DMD: variants seen among roughly 807,000 people sequenced by gnomAD.
The protein encoded by DMD is mutant dystrophin.
In DMD, 63 loss-of-function variants were observed where a neutral mutation model predicts 330.1. That is an observed-to-expected ratio of 0.19 (90% CI 0.16 to 0.24). The LOEUF (loss-of-function observed/expected upper bound fraction) is 0.24, where lower values mean the gene tolerates loss of function less well. Among genes scored for constraint, DMD ranks in the 10% least tolerant of loss-of-function variants. The pLI, the probability that DMD is intolerant of heterozygous loss-of-function variation, is 1.00. For synonymous variants in DMD, 1,223 were observed against 959.8 expected (o/e 1.27, Z -5.07); for missense variants, 3,344 against 2,684.1 (o/e 1.25, Z -5.43).
intron 2 of DMD, chrX:32,960,250 G>A (rs979645080): frequency 9.0e-6 from 1 of 111,075 alleles, no homozygotes; most frequent in Admixed American, 9.6e-5. Flanking sequence ...TACTTGAACA[G>A]GAGTGAGGCT....
chrX:32,002,490 A>G (rs1438279206), intron 44 of DMD, among the ~76,000 whole-genome samples: 1 of 111,989 alleles, frequency 8.9e-6, no homozygotes, highest in Non-Finnish European at 1.9e-5. Flanking sequence ...ACCTAGCATT[A>G]GCTAAGTTTC....
intron 29 of DMD, among the ~76,000 whole-genome samples, chrX:32,428,230 C>T (rs1470626621): frequency 1.8e-5 from 2 of 111,624 alleles, no homozygotes; most frequent in Non-Finnish European, 3.8e-5. Context: ...TTTTTATTAT[C>T]ACTCGGTTCT....
chrX:32,374,720 T>G (rs1008753213), intron 34 of DMD, among the ~76,000 whole-genome samples: 1 of 111,604 alleles, frequency 9.0e-6, no homozygotes, highest in Non-Finnish European at 1.9e-5. Flanking sequence ...TGTAGTATAT[T>G]TTAAGTGGGG....
At chrX:31,365,111 AAAG>A (rs2059162522) in intron 60 of DMD, among the ~76,000 whole-genome samples, 1 of 107,642 alleles carries the variant, frequency 9.3e-6, no homozygotes, top group Non-Finnish European at 1.9e-5. Flanking sequence ...AAAAAAAAAA[AAAG>A]AATACTAGAT....
At chrX:33,242,702 C>T (rs1181823867) in intron 1 of DMD, among the ~76,000 whole-genome samples, 1 of 112,006 alleles carries the variant, frequency 8.9e-6, no homozygotes, top group Admixed American at 9.5e-5. Context: ...TACTAGTCTA[C>T]ATCCCCACCA....
intron 7 of DMD, among the ~76,000 whole-genome samples, chrX:32,736,654 A>C (rs1410504010): frequency 1.8e-5 from 2 of 108,725 alleles, no homozygotes; most frequent in Non-Finnish European, 3.8e-5. Flanking sequence ...TTCTCAGTAA[A>C]CTATCGCAAG....
chrX:32,401,797 C>T (rs757820227), intron 30 of DMD, among the ~76,000 whole-genome samples: 16 of 112,747 alleles, frequency 1.4e-4, no homozygotes, highest in Non-Finnish European at 2.4e-4. Flanking sequence ...CTACGCATTG[C>T]ATGCCTGTAT....
intron 44 of DMD, among the ~76,000 whole-genome samples, chrX:32,175,591 A>G (rs1365543994): frequency 9.0e-6 from 1 of 110,882 alleles, no homozygotes; most frequent in Non-Finnish European, 1.9e-5. Flanking sequence ...TCGTTCTTGA[A>G]GTCAGCGAGA....
At chrX:32,699,597 T>C (rs2063930528) in intron 7 of DMD, among the ~76,000 whole-genome samples, 3 of 111,741 alleles carry the variant, frequency 2.7e-5, no homozygotes, top group African/African-American at 9.7e-5. Flanking sequence ...TAGCTTTCAT[T>C]AGATAAGAAA....
At chrX:32,186,468 T>C (rs2096948076) in intron 44 of DMD, among the ~76,000 whole-genome samples, 1 of 111,847 alleles carries the variant, frequency 8.9e-6, no homozygotes, top group Non-Finnish European at 1.9e-5. Flanking sequence ...ACTTTAAGCA[T>C]TATGCTAAAA....
At chrX:33,000,854 T>G (rs1255168883) in intron 2 of DMD, among the ~76,000 whole-genome samples, 1 of 112,265 alleles carries the variant, frequency 8.9e-6, no homozygotes, top group African/African-American at 3.2e-5. Context: ...ATAAACTTTT[T>G]GCAATACATT....
At chrX:32,881,404 C>G (rs1194727539) in intron 2 of DMD, among the ~76,000 whole-genome samples, 1 of 112,277 alleles carries the variant, frequency 8.9e-6, no homozygotes, top group Non-Finnish European at 1.9e-5. Flanking sequence ...ACAGTATTAT[C>G]TGTAAAATGA....
At chrX:32,278,833 A>C (rs753719511) in intron 43 of DMD, among the ~76,000 whole-genome samples, 2 of 111,980 alleles carry the variant, frequency 1.8e-5, no homozygotes, top group African/African-American at 3.3e-5. Context: ...CATCAAGTTA[A>C]AAAGCTCCTC....
intron 16 of DMD, 148 bp from the exon 17 acceptor site, chrX:32,545,482 AT>A: frequency 1.8e-6 from 1 of 556,930 alleles, no homozygotes; most frequent in Non-Finnish European, 2.9e-6. Context: ...TTGAAGCCAA[AT>A]AAAATTGTTT....
intron 41 of DMD, among the ~76,000 whole-genome samples, chrX:32,333,053 G>A (rs1344414597): frequency 8.9e-6 from 1 of 111,743 alleles, no homozygotes; most frequent in African/African-American, 3.2e-5. Context: ...ACAATACATA[G>A]AAAGGTAGCA....
chrX:33,114,048 T>C (rs1361324667), intron 1 of DMD, among the ~76,000 whole-genome samples: 1 of 110,822 alleles, frequency 9.0e-6, no homozygotes, highest in Non-Finnish European at 1.9e-5. Flanking sequence ...ATAATATTTG[T>C]TTTCCTCTAA....
In DMD at chrX:32,626,901, G is replaced by A. The variant is rs763077167; in HGVS notation, c.1332-12448C>T. 2.0e-4 allele frequency among the ~76,000 whole-genome samples: 21 copies of A among 105,045 alleles called. 4 individuals are homozygous for A. Among genetic ancestry groups the A allele is most frequent in the African/African-American group, 5.7e-4 (14 of 24,723 alleles). The allele number at this position is 105,045 out of a possible 115,157, so 91.2% of individuals were successfully genotyped here. On this transcript the variant is annotated intron_variant, in intron 11 of 78. Coordinates refer to ENST00000357033, the MANE Select transcript of DMD (RefSeq NM_004006.3). ...ATTAATTGAGGTAATGTTTAAGTCCGGCTTTTATTCAAACTATCACAGATA... is the reference window on the plus strand; with the variant it reads ...ATTAATTGAGGTAATGTTTAAGTCCAGCTTTTATTCAAACTATCACAGATA...
intron 6 of DMD, among the ~76,000 whole-genome samples, chrX:32,813,552 C>T (rs1277411842): frequency 1.8e-5 from 2 of 111,872 alleles, no homozygotes; most frequent in Admixed American, 1.9e-4. Context: ...ACGGTGTCTA[C>T]AAAATAATAA....
chrX:31,803,883 G>GT (rs1433721693), intron 50 of DMD, among the ~76,000 whole-genome samples: 1 of 109,728 alleles, frequency 9.1e-6, no homozygotes, highest in African/African-American at 3.3e-5. Context: ...ATTTTTAGTA[G>GT]AGACACGGTT....
Sources: allele counts gnomAD v4.1 joint callset (sites outside exome capture counted in the v4.1 genomes callset), GRCh38; gene constraint gnomAD v4.1.1; transcripts MANE v1.5; gene names NCBI Gene and HGNC (gene_info 2026-07-23, HGNC 2026-07-21).